Variants in PPFIA2 observed in about 807,000 individuals in gnomAD.
PPFIA2 encodes PPFI scaffold protein A2.
In PPFIA2, 46 loss-of-function variants were observed where a neutral mutation model predicts 175.5. The ratio of observed to expected loss-of-function variants is 0.26; its 90% CI spans 0.21 to 0.34. The LOEUF is 0.34. Ranked by LOEUF, PPFIA2 falls within the 10% of genes least tolerant of loss-of-function variation. PPFIA2 has a pLI of 1.00. For missense variants in PPFIA2, 1,179 were observed against 1,506.1 expected (o/e 0.78, Z 3.60); for synonymous variants, 568 against 511.4 (o/e 1.11, Z -1.49).
intron 7 of PPFIA2, among the ~76,000 whole-genome samples, chr12:81,406,257 A>T (rs561825914): frequency 8.3e-4 from 127 of 152,302 alleles, no homozygotes; most frequent in African/African-American, 2.9e-3. Flanking sequence ...GATGTAATAA[A>T]AATGTTTTTT....
chr12:81,736,221 T>G (rs2081556056), intron 3 of PPFIA2, among the ~76,000 whole-genome samples: 1 of 152,036 alleles, frequency 6.6e-6, no homozygotes, highest in Admixed American at 6.6e-5. Flanking sequence ...TGTTTAGATA[T>G]TTTTACATTT....
At chr12:81,698,977 G>A (rs916742687) in intron 3 of PPFIA2, among the ~76,000 whole-genome samples, 1 of 152,058 alleles carries the variant, frequency 6.6e-6, no homozygotes, top group East Asian at 1.9e-4. Context: ...TACTATCTAT[G>A]AGTAGCTTTG....
chr12:81,383,595 T>C (rs2038263861), intron 9 of PPFIA2, among the ~76,000 whole-genome samples: 1 of 152,122 alleles, frequency 6.6e-6, no homozygotes, highest in Admixed American at 6.6e-5. Flanking sequence ...TATGCGTGTA[T>C]ATGTATATTA....
intron 4 of PPFIA2, among the ~76,000 whole-genome samples, chr12:81,528,913 T>C (rs957785857): frequency 2.0e-5 from 3 of 151,986 alleles, no homozygotes; most frequent in African/African-American, 2.4e-5. Flanking sequence ...GTACAAAAAA[T>C]AGATTAACAG....
chr12:81,546,930 C>T (rs747563600), intron 4 of PPFIA2, among the ~76,000 whole-genome samples: 8 of 151,184 alleles, frequency 5.3e-5, no homozygotes, highest in Non-Finnish European at 8.8e-5. Flanking sequence ...CTCTACCTGT[C>T]TTCTTCTCTA....
intron 3 of PPFIA2, among the ~76,000 whole-genome samples, chr12:81,751,323 A>G (rs1164830501): frequency 1.3e-5 from 2 of 151,958 alleles, no homozygotes; most frequent in Non-Finnish European, 2.9e-5. Flanking sequence ...AAATCCATAC[A>G]CTCTGAAATT....
chr12:81,670,109 G>C (rs2071130929), intron 4 of PPFIA2, among the ~76,000 whole-genome samples: 1 of 151,902 alleles, frequency 6.6e-6, no homozygotes, highest in Admixed American at 6.6e-5. Flanking sequence ...AGGTTTGTAA[G>C]AGTGATAGAG....
At chr12:81,566,926 T>A (rs2071447955) in intron 4 of PPFIA2, among the ~76,000 whole-genome samples, 1 of 152,220 alleles carries the variant, frequency 6.6e-6, no homozygotes, top group Non-Finnish European at 1.5e-5. Context: ...AAATGTTTTA[T>A]GGTATAAGTT....
At chr12:81,476,615 TAAG>T (rs1215062601) in intron 4 of PPFIA2, among the ~76,000 whole-genome samples, 1 of 152,186 alleles carries the variant, frequency 6.6e-6, no homozygotes, top group Non-Finnish European at 1.5e-5. Flanking sequence ...TGCTCTCTGT[TAAG>T]AAGTTTGGTC....
At chr12:81,614,720 G>C (rs930730480) in intron 4 of PPFIA2, among the ~76,000 whole-genome samples, 15 of 152,056 alleles carry the variant, frequency 9.9e-5, no homozygotes, top group Admixed American at 3.9e-4. Flanking sequence ...TTTCTACTAA[G>C]AGCAATAACA....
intron 4 of PPFIA2, among the ~76,000 whole-genome samples, chr12:81,524,262 A>C (rs192593459): frequency 1.2e-4 from 19 of 152,230 alleles, no homozygotes; most frequent in African/African-American, 4.6e-4. Context: ...AGCACAGAAG[A>C]GCTCTGGTGT....
intron 7 of PPFIA2, chr12:81,430,280 C>T (rs1191689134): frequency 2.6e-5 from 4 of 152,072 alleles, no homozygotes; most frequent in Non-Finnish European, 5.9e-5. Flanking sequence ...TGTCTGGAAT[C>T]ATTCAGCATA....
chr12:81,683,630 G>A (rs765698110), intron 3 of PPFIA2, among the ~76,000 whole-genome samples: 12 of 151,868 alleles, frequency 7.9e-5, no homozygotes, highest in South Asian at 2.1e-4. Context: ...ACACAATGGC[G>A]TCCTTATTAT....
In PPFIA2 at chr12:81,442,929, A is replaced by G. The variant is rs529531282; in HGVS notation, c.570+2627T>C. The stretch of plus-strand genomic sequence containing the variant: ...TACTTGTTTATATATCTATATCCAC[A>G]TCCCTCCTCATCCCTATGAGAAACT... On this transcript the variant is annotated intron_variant, in intron 6 of 32. Transcript: ENST00000549396. Among the ~76,000 whole-genome samples the G allele has an allele frequency of 7.8e-5, 10 of 128,604 alleles. No individual in the cohort carries two copies. The South Asian group carries it at 1.6e-3, about 20-fold the overall frequency. The allele number at this position is 128,604 out of a possible 152,430, so 84.4% of individuals were successfully genotyped here.
At chr12:81,302,138 C>A (rs1459757784) in intron 22 of PPFIA2, 4 of 393,626 alleles carry the variant, frequency 1.0e-5, no homozygotes, top group Non-Finnish European at 1.5e-5. Flanking sequence ...TAAATTGTGT[C>A]CTATAATGTT....
At chr12:81,352,830 G>A (rs917513744) in intron 17 of PPFIA2, among the ~76,000 whole-genome samples, 1 of 152,098 alleles carries the variant, frequency 6.6e-6, no homozygotes, top group Non-Finnish European at 1.5e-5. Flanking sequence ...ACTGGAGAAA[G>A]TTTTGCCTTT....
intron 4 of PPFIA2, among the ~76,000 whole-genome samples, chr12:81,593,088 C>A (rs888062032): frequency 1.3e-5 from 2 of 152,080 alleles, no homozygotes. Flanking sequence ...TTTCTTCATG[C>A]AATTGAGATT....
intron 4 of PPFIA2, among the ~76,000 whole-genome samples, chr12:81,602,784 C>G (rs2059923744): frequency 6.6e-6 from 1 of 151,698 alleles, no homozygotes; most frequent in Non-Finnish European, 1.5e-5. Context: ...TAAATGCAGA[C>G]AGAACTCCTT....
intron 28 of PPFIA2, among the ~76,000 whole-genome samples, chr12:81,273,888 C>A (rs1049988057): frequency 1.3e-5 from 2 of 151,522 alleles, no homozygotes; most frequent in African/African-American, 4.9e-5. Context: ...TCCCCGCCCC[C>A]CCCCAAACCG....
Sources: allele counts gnomAD v4.1 joint callset (sites outside exome capture counted in the v4.1 genomes callset), GRCh38; gene constraint gnomAD v4.1.1; transcripts MANE v1.5; gene names NCBI Gene and HGNC (gene_info 2026-07-23, HGNC 2026-07-21).